Variants in NXT2 observed in about 807,000 individuals in gnomAD.
NXT2 encodes the protein NTF2-related export protein 2.
A neutral mutation model predicts 9.6 loss-of-function variants in NXT2; 1 was observed. The observed-to-expected ratio is 0.10, with a 90% CI of 0.04 to 0.49. The LOEUF is 0.49. Ranked by LOEUF, NXT2 falls within the 20% of genes least tolerant of loss-of-function variation. The pLI, the probability that NXT2 is intolerant of heterozygous loss-of-function variation, is 0.95. For synonymous variants in NXT2, 22 were observed against 35.4 expected (o/e 0.62, Z 1.34); for missense variants, 48 against 100.3 (o/e 0.48, Z 2.23).
intron 1 of NXT2, 115 bp downstream of exon 1, chrX:109,537,136 GC>G: frequency 1.1e-5 from 12 of 1,102,707 alleles, no homozygotes; most frequent in Non-Finnish European, 1.3e-5. Flanking sequence ...TCACGTCCCG[GC>G]TCTCTGCACT....
intron 1 of NXT2, among the ~76,000 whole-genome samples, chrX:109,537,719 A>G (rs1358973515): frequency 1.8e-5 from 2 of 111,603 alleles, no homozygotes; most frequent in Non-Finnish European, 1.9e-5. Flanking sequence ...TGTCATTTTC[A>G]TTGCCGTGAA....
upstream of NXT2, chrX:109,536,784 T>A (rs1933282516): frequency 1.0e-6 from 1 of 995,557 alleles, no homozygotes; most frequent in South Asian, 2.7e-5. Context: ...ATGGGAGGGA[T>A]CTTCAGGAAC....
At chrX:109,541,247 T>C (rs1242767947) in intron 2 of NXT2, among the ~76,000 whole-genome samples, 1 of 111,879 alleles carries the variant, frequency 8.9e-6, no homozygotes, top group Non-Finnish European at 1.9e-5. Flanking sequence ...AAATATATTT[T>C]ACTGCCTAGT....
intron 3 of NXT2, 93 bp from the exon 4 acceptor site, chrX:109,542,414 A>G (rs1017840031): frequency 1.3e-6 from 1 of 763,951 alleles, no homozygotes; most frequent in African/African-American, 2.2e-5. Context: ...AATTTTAAGC[A>G]TTAGTCCATA....
intron 2 of NXT2, among the ~76,000 whole-genome samples, chrX:109,538,705 C>T (rs1194660068): frequency 2.7e-5 from 3 of 111,089 alleles, no homozygotes; most frequent in African/African-American, 6.6e-5. Context: ...ATCCCTGCAC[C>T]ATATCTTTTA....
chrX:109,537,907 T>C (rs933633338), intron 1 of NXT2, 138 bp from the exon 2 acceptor site: 1 of 381,829 alleles, frequency 2.6e-6, no homozygotes. Context: ...TTAAAATGTC[T>C]GAATTTATAT....
At chrX:109,541,184 A>G (rs755994499) in intron 2 of NXT2, among the ~76,000 whole-genome samples, 2 of 111,915 alleles carry the variant, frequency 1.8e-5, no homozygotes, top group African/African-American at 3.2e-5. Flanking sequence ...GAATACAGAA[A>G]GCAGAACTTA....
chrX:109,536,657 G>T, upstream of NXT2: 1 of 299,627 alleles, frequency 3.3e-6, no homozygotes, highest in Non-Finnish European at 5.4e-6. Context: ...TTTCATTTTT[G>T]CTTGTCCCCA....
At chrX:109,542,461 G>A in intron 3 of NXT2, 46 bp from the exon 4 acceptor site, 1 of 1,080,486 alleles carries the variant, frequency 9.3e-7, no homozygotes, top group Non-Finnish European at 1.2e-6. Flanking sequence ...TGCTTATTTA[G>A]AGATAGAAAA....
rs1049025801 is a variant in NXT2, at chrX:109,542,915, T to C, written c.*227T>C. ...TATATACATTCCACTAATGACATTC[T>C]TATAATAATATTAAACACATGATCT... On this transcript the variant is annotated 3_prime_UTR_variant, in exon 4 of 4. Transcript: ENST00000372106. 2 of 252,953 alleles carry C rather than the reference T, an allele frequency of 7.9e-6. No individual in the cohort carries two copies. The highest frequency in any genetic ancestry group is 5.6e-5 in the African/African-American group (2 of 35,472). The allele number at this position is 252,953 out of a possible 1,213,427, so 20.8% of individuals were successfully genotyped here.
upstream of NXT2, chrX:109,536,079 G>A (rs187892518): frequency 1.2e-3 from 647 of 552,479 alleles, 8 homozygotes; most frequent in African/African-American, 0.014. Flanking sequence ...AAGCCACATT[G>A]CCATGACAGT....
upstream of NXT2, chrX:109,536,778 G>C: frequency 2.0e-6 from 2 of 984,221 alleles, no homozygotes; most frequent in Non-Finnish European, 2.7e-6. Context: ...AGGTGGATGG[G>C]AGGGATCTTC....
intron 2 of NXT2, among the ~76,000 whole-genome samples, chrX:109,541,009 A>G (rs1026253595): frequency 8.9e-6 from 1 of 112,090 alleles, no homozygotes; most frequent in African/African-American, 3.2e-5. Flanking sequence ...TTTCTAACAC[A>G]TGCAAATATT....
rs753446363 is a variant in NXT2, at chrX:109,543,542, T to G, written c.*854T>G. 5 of 112,320 alleles carry G rather than the reference T, an allele frequency of 4.5e-5. No homozygotes were observed. Among genetic ancestry groups the G allele is most frequent in the Admixed American group, 1.9e-4 (2 of 10,529 alleles). The allele number at this position is 112,320 out of a possible 1,213,427, so 9.3% of individuals were successfully genotyped here. On this transcript the variant is annotated 3_prime_UTR_variant, in exon 4 of 4. Coordinates refer to ENST00000372106, the MANE Select transcript of NXT2 (RefSeq NM_001242617.2). The stretch of plus-strand genomic sequence containing the variant: ...TTCTACCTCCTAAAAATGTAGCTTA[T>G]TTTTAGGATTTAAATCACTAAGTAA...
In NXT2 at chrX:109,543,088, G is replaced by A. The variant is rs965783295; in HGVS notation, c.*400G>A. On this transcript the variant is annotated 3_prime_UTR_variant, in exon 4 of 4. Transcript: ENST00000372106. ...GGTTAATTTTCTAGTAAAACACGTTGCCTGTTTTCAGTTAACACTGGTAAT... is the reference window on the plus strand; with the variant it reads ...GGTTAATTTTCTAGTAAAACACGTTACCTGTTTTCAGTTAACACTGGTAAT... 1.8e-5 allele frequency: 2 copies of A among 113,585 alleles called. No homozygotes were observed. Among genetic ancestry groups the A allele is most frequent in the African/African-American group, 6.5e-5 (2 of 30,824 alleles). The allele number at this position is 113,585 out of a possible 1,213,427, so 9.4% of individuals were successfully genotyped here. A position where few individuals can be genotyped will look rare whatever the true frequency, so the allele number is the denominator to read the frequency against.
At position 109,542,766 on chromosome X, in the gene NXT2, C is replaced by G; in HGVS notation, c.*78C>G. On this transcript the variant is annotated 3_prime_UTR_variant, in exon 4 of 4. Transcript: ENST00000372106. ...ATGTGAATTATTTTGATTGTAGAAG[C>G]ACTATAATATGTGCTGAAACTAAAT... 2.5e-6 allele frequency: 2 copies of G among 799,022 alleles called. No homozygotes were observed. The highest frequency in any genetic ancestry group is 6.5e-5 in the South Asian group (2 of 30,878). The allele number at this position is 799,022 out of a possible 1,213,427, so 65.8% of individuals were successfully genotyped here.
chrX:109,541,735 G>C (rs748678082), intron 3 of NXT2, 116 bp downstream of exon 3: 249 of 556,844 alleles, frequency 4.5e-4, no homozygotes, highest in Non-Finnish European at 6.2e-4. Flanking sequence ...ACTTGAGCAA[G>C]TTAAATATTA....
At chrX:109,540,204 T>C (rs982921817) in intron 2 of NXT2, among the ~76,000 whole-genome samples, 1 of 111,989 alleles carries the variant, frequency 8.9e-6, no homozygotes, top group African/African-American at 3.3e-5. Flanking sequence ...ACAATGGATG[T>C]TTATTGTGCC....
chrX:109,542,478 G>A, intron 3 of NXT2, 29 bp from the exon 4 acceptor site: 13 of 1,136,103 alleles, frequency 1.1e-5, no homozygotes, highest in Non-Finnish European at 1.4e-5. Flanking sequence ...AAAATGATGT[G>A]TTCTCTTTTT....
Sources: gnomAD v4.1 joint callset for allele counts (sites outside exome capture counted in the v4.1 genomes callset) on GRCh38, gnomAD v4.1.1 for gene constraint, MANE v1.5 for transcripts, NCBI Gene and HGNC (gene_info 2026-07-23, HGNC 2026-07-21) for gene names.